The following PTPRD variants were observed in gnomAD, a reference collection of about 807,000 sequenced individuals.
The protein encoded by PTPRD is receptor-type tyrosine-protein phosphatase delta.
In PTPRD, 34 loss-of-function variants were observed where a neutral mutation model predicts 214.5. That is an observed-to-expected ratio of 0.16 (90% CI 0.12 to 0.21). PTPRD has a LOEUF of 0.21. Ranked by LOEUF, PTPRD falls within the 10% of genes least tolerant of loss-of-function variation. The pLI, the probability that PTPRD is intolerant of heterozygous loss-of-function variation, is 1.00. For missense variants in PTPRD, 2,545 were observed against 2,398.7 expected (o/e 1.06, Z -1.27); for synonymous variants, 1,128 against 845.7 (o/e 1.33, Z -5.79).
At chr9:10,401,123 A>G (rs1587317832) in intron 2 of PTPRD, among the ~76,000 whole-genome samples, 1 of 151,688 alleles carries the variant, frequency 6.6e-6, no homozygotes, top group Non-Finnish European at 1.5e-5. Context: ...ACCTTACTCT[A>G]CATACCAATT....
At chr9:9,363,547 A>G (rs893664396) in intron 9 of PTPRD, among the ~76,000 whole-genome samples, 1 of 151,376 alleles carries the variant, frequency 6.6e-6, no homozygotes, top group African/African-American at 2.4e-5. Context: ...TTCAGCTTTT[A>G]GGGGACTGAG....
intron 5 of PTPRD, among the ~76,000 whole-genome samples, chr9:9,913,423 T>C (rs973053343): frequency 5.3e-5 from 8 of 152,020 alleles, no homozygotes; most frequent in African/African-American, 1.9e-4. Flanking sequence ...AACAGAGTGA[T>C]CTCATCAAGA....
At chr9:9,087,891 T>TTTG (rs2099769614) in intron 10 of PTPRD, among the ~76,000 whole-genome samples, 2 of 134,178 alleles carry the variant, frequency 1.5e-5, no homozygotes, top group Non-Finnish European at 3.2e-5. Context: ...TTTTTTTTTT[T>TTTG]TTTTTTTTTT....
intron 9 of PTPRD, among the ~76,000 whole-genome samples, chr9:9,279,760 A>C (rs1440579505): frequency 2.6e-5 from 4 of 151,198 alleles, no homozygotes; most frequent in Middle Eastern, 3.4e-3. Context: ...TACAAATAAG[A>C]GCATGCAATA....
chr9:9,520,809 G>A (rs903944073), intron 8 of PTPRD, among the ~76,000 whole-genome samples: 1 of 152,074 alleles, frequency 6.6e-6, no homozygotes, highest in East Asian at 1.9e-4. Context: ...AGCAGTCTAC[G>A]AGTCGTAGAA....
intron 4 of PTPRD, among the ~76,000 whole-genome samples, chr9:10,010,438 A>G (rs1240091529): frequency 6.6e-6 from 1 of 151,756 alleles, no homozygotes. Flanking sequence ...AATTTAATTT[A>G]ATTTAACTTT....
intron 7 of PTPRD, among the ~76,000 whole-genome samples, chr9:9,581,246 A>T (rs967460894): frequency 6.6e-6 from 1 of 152,148 alleles, no homozygotes; most frequent in African/African-American, 2.4e-5. Context: ...GAACTTATGC[A>T]TTATTTATCA....
chr9:9,038,794 T>C (rs1471066257), intron 10 of PTPRD, among the ~76,000 whole-genome samples: 3 of 152,174 alleles, frequency 2.0e-5, no homozygotes, highest in African/African-American at 7.2e-5. Context: ...TGACCTCAAG[T>C]GATCAGTCCG....
At chr9:8,389,624 C>T (rs992736216) in intron 36 of PTPRD, among the ~76,000 whole-genome samples, 13 of 152,124 alleles carry the variant, frequency 8.5e-5, no homozygotes, top group Admixed American at 2.6e-4. Context: ...CTTTATAATA[C>T]GACAAAGAAA....
chr9:8,785,418 CAT>C (rs2095903471), intron 11 of PTPRD, among the ~76,000 whole-genome samples: 1 of 126,854 alleles, frequency 7.9e-6, no homozygotes, highest in African/African-American at 2.9e-5. Flanking sequence ...AGTAAATTCA[CAT>C]AGTCATGGTT....
intron 3 of PTPRD, among the ~76,000 whole-genome samples, chr9:10,155,897 T>C (rs2099089574): frequency 6.6e-6 from 1 of 152,084 alleles, no homozygotes; most frequent in African/African-American, 2.4e-5. Context: ...GATGGTGGCC[T>C]TAAGTTGTCT....
intron 7 of PTPRD, among the ~76,000 whole-genome samples, chr9:9,581,924 C>A (rs1423989675): frequency 6.6e-6 from 1 of 152,036 alleles, no homozygotes; most frequent in Non-Finnish European, 1.5e-5. Context: ...GTTAAAGTCA[C>A]AAATAAGACA....
chr9:8,811,810 C>G (rs1001763459), intron 11 of PTPRD, among the ~76,000 whole-genome samples: 1 of 152,188 alleles, frequency 6.6e-6, no homozygotes, highest in Non-Finnish European at 1.5e-5. Context: ...TTACATGCAA[C>G]CTAGAAATTC....
At chr9:8,427,704 C>A (rs1342317486) in intron 35 of PTPRD, among the ~76,000 whole-genome samples, 1 of 149,990 alleles carries the variant, frequency 6.7e-6, no homozygotes, top group East Asian at 2.0e-4. Flanking sequence ...TTTTTTTTTA[C>A]TGACATCAGC....
intron 14 of PTPRD, among the ~76,000 whole-genome samples, chr9:8,582,816 A>G (rs2154253934): frequency 6.6e-6 from 1 of 152,322 alleles, no homozygotes; most frequent in African/African-American, 2.4e-5. Flanking sequence ...CTGGAGACAA[A>G]TGGTGATATG....
chr9:8,822,018 G>A (rs2097077804), intron 11 of PTPRD, among the ~76,000 whole-genome samples: 1 of 152,206 alleles, frequency 6.6e-6, no homozygotes, highest in South Asian at 2.1e-4. Context: ...ATCATAGACA[G>A]TTACAGGATT....
chr9:8,366,823 AT>A, intron 39 of PTPRD, among the ~76,000 whole-genome samples: 1 of 152,228 alleles, frequency 6.6e-6, no homozygotes, highest in Middle Eastern at 3.4e-3. Flanking sequence ...GACTAATATC[AT>A]AGCACAAAAG....
chr9:9,323,155 C>A (rs1054389476), intron 9 of PTPRD, among the ~76,000 whole-genome samples: 1 of 152,040 alleles, frequency 6.6e-6, no homozygotes, highest in South Asian at 2.1e-4. Flanking sequence ...TATTATAGAG[C>A]AAGATTTGAA....
At chr9:10,565,489 A>T (rs1193418764) in intron 2 of PTPRD, among the ~76,000 whole-genome samples, 1 of 152,142 alleles carries the variant, frequency 6.6e-6, no homozygotes, top group African/African-American at 2.4e-5. Context: ...CTGGTAAAGG[A>T]AATTGACTTT....
Sources: allele counts gnomAD v4.1 joint callset (sites outside exome capture counted in the v4.1 genomes callset), GRCh38; gene constraint gnomAD v4.1.1; transcripts MANE v1.5; gene names NCBI Gene and HGNC (gene_info 2026-07-23, HGNC 2026-07-21).